Variants in OR10G8 observed in about 807,000 individuals in gnomAD.
The protein encoded by OR10G8 is olfactory receptor 10G8.
For synonymous variants in OR10G8, 173 were observed against 163.2 expected (o/e 1.06, Z -0.46); for missense variants, 386 against 384.9 (o/e 1.00, Z -0.02).
Position 124,029,893 on chromosome 11 carries a change from A to G in OR10G8, c.271A>G (p.Ile91Val), listed in dbSNP as rs1434267663. ...TTTGGTGTTCCCAAGTGGCAGGGCTATCTCCTTCCACAGCTGCATGGCTCA... is the reference window on the plus strand; with the variant it reads ...TTTGGTGTTCCCAAGTGGCAGGGCTGTCTCCTTCCACAGCTGCATGGCTCA... ...MTLVFPSGRA[I>V]SFHSCMAQLY... The change falls in exon 2 of 2, where the codon ATC (isoleucine) becomes GTC (valine). Residue 91 changes from isoleucine (I) to valine (V), a missense_variant. By Grantham distance (29) the Ile-to-Val change is conservative (BLOSUM62 3). Transcript: ENST00000641224. 1.1e-5 allele frequency: 18 copies of G among 1,613,708 alleles called. No homozygotes were observed. The highest frequency in any genetic ancestry group is 1.1e-4 in the South Asian group (10 of 91,062).
chr11:124,029,370 A>G (rs2137563633), intron 1 of OR10G8, among the ~76,000 whole-genome samples: 1 of 152,220 alleles, frequency 6.6e-6, no homozygotes, highest in South Asian at 2.1e-4. Context: ...AAAATCTAAG[A>G]CAATGCGTTT....
In OR10G8 at chr11:124,030,493, A is replaced by C; in HGVS notation, c.871A>C (p.Asn291His). 6.2e-7 allele frequency: 1 copy of C among 1,611,128 alleles called. No homozygotes were observed. Among genetic ancestry groups the C allele is most frequent in the Non-Finnish European group, 8.5e-7 (1 of 1,179,246 alleles). The change falls in exon 2 of 2, where the codon AAC (asparagine) becomes CAC (histidine). Residue 291 changes from asparagine to histidine, a missense_variant. Coordinates refer to ENST00000641224, the MANE Select transcript of OR10G8 (RefSeq NM_001004464.2). ...LLNPVVYTLR[N>H]KEVKKALLKL... ...CAACCCTGTTGTGTACACCCTGAGG[A>C]ACAAGGAGGTGAAGAAAGCTCTGTT...
chr11:124,030,468 C>T lies in OR10G8; in HGVS notation c.846C>T (p.Leu282=). 1 of 1,614,160 alleles carries T rather than the reference C, an allele frequency of 6.2e-7. No homozygotes were observed. The highest frequency in any genetic ancestry group is 1.1e-5 in the South Asian group (1 of 91,076). The part of the protein sequence containing the change: ...AVFYTVLTPL[L]NPVVYTLRNK... ...TCTACACTGTGCTGACGCCCCTTCT[C>T]AACCCTGTTGTGTACACCCTGAGGA... The change falls in exon 2 of 2, where the codon CTC becomes CTT. Residue 282 remains leucine, a synonymous_variant. Transcript: ENST00000641224.
chr11:124,029,633 C>A lies in OR10G8; in HGVS notation c.11C>A (p.Ala4Asp). The A allele has an allele frequency of 6.2e-7, 1 of 1,613,450 alleles. No individual in the cohort carries two copies. Among genetic ancestry groups the A allele is most frequent in the Admixed American group, 1.7e-5 (1 of 59,990 alleles). Residue 4 changes from alanine (A) to aspartate (D), a missense_variant, in exon 2 of 2, where the codon GCC becomes GAC. By Grantham distance (126) the Ala-to-Asp change is moderately radical. Coordinates refer to ENST00000641224, the MANE Select transcript of OR10G8 (RefSeq NM_001004464.2). Reference sequence around the variant, plus strand: ...CAAGGGTGAGAAGAAATGTCCAACGCCAGCCTACTGACAGCGTTCATCCTC... The same window carrying A: ...CAAGGGTGAGAAGAAATGTCCAACGACAGCCTACTGACAGCGTTCATCCTC... The part of the protein sequence containing the change: MSN[A>D]SLLTAFILMG...
At chr11:124,028,478 C>G (rs1379327485) in intron 1 of OR10G8, among the ~76,000 whole-genome samples, 1 of 152,164 alleles carries the variant, frequency 6.6e-6, no homozygotes, top group Non-Finnish European at 1.5e-5. Context: ...CTCTTAGATT[C>G]AGAAGGACTC....
chr11:124,028,286 G>A (rs1209233018), intron 1 of OR10G8, among the ~76,000 whole-genome samples: 1 of 152,132 alleles, frequency 6.6e-6, no homozygotes, highest in Non-Finnish European at 1.5e-5. Flanking sequence ...ATGGGGGCAG[G>A]GGACAGTTAT....
At chr11:124,027,893 A>G (rs1165705394) in intron 1 of OR10G8, among the ~76,000 whole-genome samples, 3 of 152,164 alleles carry the variant, frequency 2.0e-5, no homozygotes, top group Non-Finnish European at 4.4e-5. Context: ...TATTAATATT[A>G]AGCAAAGAAC....
chr11:124,027,729 A>T (rs1005855404), intron 1 of OR10G8, among the ~76,000 whole-genome samples: 3 of 152,188 alleles, frequency 2.0e-5, no homozygotes, highest in Admixed American at 2.0e-4. Flanking sequence ...ACCTTTCTTT[A>T]AACTAGCTTA....
Position 124,029,695 on chromosome 11 carries a change from C to T in OR10G8, c.73C>T (p.Leu25Phe). 3.1e-6 allele frequency: 5 copies of T among 1,613,972 alleles called. No individual in the cohort carries two copies. The South Asian group carries it at 4.4e-5, about 14-fold the overall frequency. The part of the protein sequence containing the change: ...LPHAPALDAP[L>F]FGVFLVVYVL... ...CCATGCCCCAGCGCTGGACGCCCCC[C>T]TCTTTGGAGTCTTCCTGGTGGTTTA... is the stretch of plus-strand genomic sequence containing the variant. The change falls in exon 2 of 2, where the codon CTC becomes TTC. Residue 25 changes from leucine to phenylalanine, a missense_variant. Coordinates refer to ENST00000641224, the MANE Select transcript of OR10G8 (RefSeq NM_001004464.2).
intron 1 of OR10G8, 52 bp downstream of exon 1, chr11:124,026,919 A>G (rs1433702780): frequency 2.6e-5 from 4 of 152,208 alleles, no homozygotes; most frequent in Admixed American, 1.3e-4. Flanking sequence ...CCAGGAAGGC[A>G]TGGGCTCATC....
intron 1 of OR10G8, among the ~76,000 whole-genome samples, 188 bp from the exon 2 acceptor site, chr11:124,029,408 G>A (rs12284243): frequency 6.6e-6 from 1 of 152,086 alleles, no homozygotes; most frequent in African/African-American, 2.4e-5. Flanking sequence ...ATATGTCTCT[G>A]TGTGTGTGTA....
rs748588345 is a variant in OR10G8 at position 124,030,357 on chromosome 11, C to G, written c.735C>G (p.Ile245Met). Residue 245 changes from isoleucine (I) to methionine (M), a missense_variant, in exon 2 of 2, where the codon ATC becomes ATG. Ile to Met is a conservative substitution (Grantham distance 10). Transcript: ENST00000641224. ...RAFQTCASHCIVVLCFFGPGL... is the reference protein window; with the variant it reads ...RAFQTCASHCMVVLCFFGPGL... ...TTCAGACCTGTGCCTCCCACTGTAT[C>G]GTGGTCCTTTGCTTCTTTGGCCCTG... The G allele has an allele frequency of 5.0e-6, 8 of 1,614,158 alleles. No homozygotes were observed. The highest frequency in any genetic ancestry group is 6.8e-6 in the Non-Finnish European group (8 of 1,180,006).
Position 124,030,358 on chromosome 11 carries a change from G to A in OR10G8, c.736G>A (p.Val246Met), listed in dbSNP as rs756655164. ...TCAGACCTGTGCCTCCCACTGTATC[G>A]TGGTCCTTTGCTTCTTTGGCCCTGG... is the stretch of plus-strand genomic sequence containing the variant. Reference protein sequence around the residue: ...AFQTCASHCIVVLCFFGPGLF... With the variant: ...AFQTCASHCIMVLCFFGPGLF... The change falls in exon 2 of 2, where the codon GTG becomes ATG. Residue 246 changes from valine to methionine, a missense_variant. Val to Met is a conservative substitution (Grantham distance 21). Coordinates refer to ENST00000641224, the MANE Select transcript of OR10G8 (RefSeq NM_001004464.2). 86 of 1,614,026 alleles carry A rather than the reference G, an allele frequency of 5.3e-5. No individual in the cohort carries two copies. The highest frequency in any genetic ancestry group is 2.4e-4 in the South Asian group (22 of 91,086).
chr11:124,030,359 T>A lies in OR10G8; in HGVS notation c.737T>A (p.Val246Glu), dbSNP rs371194326. The change falls in exon 2 of 2, where the codon GTG becomes GAG. Residue 246 changes from valine to glutamate, a missense_variant. Val to Glu is a moderately radical substitution (Grantham distance 121). Transcript: ENST00000641224. The part of the protein sequence containing the change: ...AFQTCASHCI[V>E]VLCFFGPGLF... ...CAGACCTGTGCCTCCCACTGTATCG[T>A]GGTCCTTTGCTTCTTTGGCCCTGGT... The A allele has an allele frequency of 1.9e-6, 3 of 1,614,052 alleles. No individual in the cohort carries two copies. Among genetic ancestry groups the A allele is most frequent in the Non-Finnish European group, 2.5e-6 (3 of 1,180,036 alleles).
chr11:124,029,846 C>T lies in OR10G8; in HGVS notation c.224C>T (p.Thr75Met), dbSNP rs368438499. Reference sequence around the variant, plus strand: ...ATTGACATGTGGTTCTCCACTGTCACGGTGCCCAAATTGCTGATGACTTTG... The same window carrying T: ...ATTGACATGTGGTTCTCCACTGTCATGGTGCCCAAATTGCTGATGACTTTG... ...SFIDMWFSTV[T>M]VPKLLMTLVF... The change falls in exon 2 of 2, where the codon ACG becomes ATG. Residue 75 changes from threonine to methionine, a missense_variant. By Grantham distance (81) the Thr-to-Met change is moderately conservative (BLOSUM62 -1). Coordinates refer to ENST00000641224, the MANE Select transcript of OR10G8 (RefSeq NM_001004464.2). The T allele has an allele frequency of 7.4e-6, 12 of 1,614,050 alleles. No homozygotes were observed. Among genetic ancestry groups the T allele is most frequent in the South Asian group, 6.6e-5 (6 of 91,086 alleles).
In OR10G8 at chr11:124,029,649, G is replaced by C; in HGVS notation, c.27G>C (p.Ala9=). 1 of 1,613,902 alleles carries C rather than the reference G, an allele frequency of 6.2e-7. No homozygotes were observed. The highest frequency in any genetic ancestry group is 1.3e-5 in the African/African-American group (1 of 75,026). Residue 9 remains alanine, a synonymous_variant, in exon 2 of 2, where the codon GCG becomes GCC. Coordinates refer to ENST00000641224, the MANE Select transcript of OR10G8 (RefSeq NM_001004464.2). MSNASLLT[A]FILMGLPHAP... ...TGTCCAACGCCAGCCTACTGACAGC[G>C]TTCATCCTCATGGGCCTTCCCCATG...
intron 1 of OR10G8, 108 bp from the exon 2 acceptor site, chr11:124,029,488 C>T: frequency 1.9e-6 from 2 of 1,029,922 alleles, no homozygotes; most frequent in Non-Finnish European, 1.4e-6. Flanking sequence ...CAAGCAAAGT[C>T]CACAATAACT....
chr11:124,030,377 G>A lies in OR10G8; in HGVS notation c.755G>A (p.Gly252Asp). ...TGTATCGTGGTCCTTTGCTTCTTTG[G>A]CCCTGGTCTTTTCATTTACCTGAGG... ...SHCIVVLCFF[G>D]PGLFIYLRPG... Residue 252 changes from glycine to aspartate, a missense_variant, in exon 2 of 2, where the codon GGC (glycine) becomes GAC (aspartate). Coordinates refer to ENST00000641224, the MANE Select transcript of OR10G8 (RefSeq NM_001004464.2). The A allele has an allele frequency of 1.2e-6, 2 of 1,614,142 alleles. No homozygotes were observed. Among genetic ancestry groups the A allele is most frequent in the East Asian group, 4.5e-5 (2 of 44,870 alleles).
In OR10G8 at chr11:124,030,132, C is replaced by T; in HGVS notation, c.510C>T (p.Pro170=). The change falls in exon 2 of 2, where the codon CCC becomes CCT. Residue 170 remains proline (P), a synonymous_variant. Transcript: ENST00000641224. The part of the protein sequence containing the change: ...ILTFHLPYCG[P]NWIQHYLCDA... ...CTTTCCATTTGCCCTACTGTGGACC[C>T]AACTGGATCCAGCACTATTTGTGTG... 1.9e-6 allele frequency: 3 copies of T among 1,613,992 alleles called. No homozygotes were observed. The highest frequency in any genetic ancestry group is 2.5e-6 in the Non-Finnish European group (3 of 1,179,890).
Sources: gnomAD v4.1 joint callset for allele counts (sites outside exome capture counted in the v4.1 genomes callset) on GRCh38, gnomAD v4.1.1 for gene constraint, MANE v1.5 for transcripts, NCBI Gene and HGNC (gene_info 2026-07-23, HGNC 2026-07-21) for gene names.